KCNJ6: variants seen among roughly 807,000 people sequenced by gnomAD.
KCNJ6 encodes G protein-activated inward rectifier potassium channel 2.
KCNJ6 carries 9 observed loss-of-function variants against 34.2 expected under a neutral mutation model. The observed-to-expected ratio is 0.26, with a 90% CI of 0.16 to 0.46. The LOEUF (loss-of-function observed/expected upper bound fraction) is 0.46, where lower values mean the gene tolerates loss of function less well. Among genes scored for constraint, KCNJ6 ranks in the 20% least tolerant of loss-of-function variants. The pLI is 1.00. For missense variants in KCNJ6, 236 were observed against 531.3 expected, an observed-to-expected ratio of 0.44 and a Z score of 5.46; for synonymous variants, 196 against 207.1, an observed-to-expected ratio of 0.95 and a Z score of 0.46.
chr21:37,781,159 C>A (rs984261683), intron 2 of KCNJ6, among the ~76,000 whole-genome samples: 1 of 152,216 alleles, frequency 6.6e-6, no homozygotes, highest in Non-Finnish European at 1.5e-5. Context: ...CATCCGGCAT[C>A]AGTCAAAAGG....
intron 2 of KCNJ6, among the ~76,000 whole-genome samples, chr21:37,782,554 C>T (rs1323044173): frequency 6.6e-6 from 1 of 152,174 alleles, no homozygotes; most frequent in Non-Finnish European, 1.5e-5. Context: ...TGTGGCTTTC[C>T]TCCTTCATGG....
intron 2 of KCNJ6, among the ~76,000 whole-genome samples, chr21:37,826,804 C>T (rs929670475): frequency 6.6e-6 from 1 of 152,018 alleles, no homozygotes; most frequent in African/African-American, 2.4e-5. Context: ...GGGTCTGAAA[C>T]CTTTCCTCTT....
At chr21:37,723,605 C>A (rs575584406) in intron 2 of KCNJ6, among the ~76,000 whole-genome samples, 1 of 152,314 alleles carries the variant, frequency 6.6e-6, no homozygotes, top group East Asian at 1.9e-4. Context: ...AGAATGAAAT[C>A]ACATCCTTTG....
intron 2 of KCNJ6, among the ~76,000 whole-genome samples, chr21:37,826,217 AAT>A (rs2055398440): frequency 6.6e-6 from 1 of 152,206 alleles, no homozygotes; most frequent in African/African-American, 2.4e-5. Flanking sequence ...GAAATGTGCG[AAT>A]AGTTACTTTT....
chr21:37,876,122 A>G (rs1296175896), intron 1 of KCNJ6, among the ~76,000 whole-genome samples: 1 of 152,230 alleles, frequency 6.6e-6, no homozygotes, highest in Non-Finnish European at 1.5e-5. Flanking sequence ...CATTAAATCA[A>G]GCATGGGGCC....
Position 37,615,244 on chromosome 21 carries a change from C to CTTTTTTTTTTTT in KCNJ6, c.*9903_*9914dup, listed in dbSNP as rs1156939747. 2 of 98,890 alleles carry CTTTTTTTTTTTT rather than the reference C, an allele frequency of 2.0e-5. 1 individual carries two copies. The highest frequency in any genetic ancestry group is 7.9e-5 in the African/African-American group (2 of 25,164). 6.1% of individuals were successfully genotyped at this position (98,890 alleles called of 1,614,324 possible). The stretch of plus-strand genomic sequence containing the variant: ...ACCCTCGACTGACATTCCCAGCATT[C>CTTTTTTTTTTTT]TTTTTTTTTTTTTTTTTTTTTTTTT... On this transcript the variant is annotated 3_prime_UTR_variant, in exon 4 of 4. Coordinates refer to ENST00000609713, the MANE Select transcript of KCNJ6 (RefSeq NM_002240.5).
chr21:37,885,627 C>A (rs2055731687), intron 1 of KCNJ6, among the ~76,000 whole-genome samples: 1 of 152,148 alleles, frequency 6.6e-6, no homozygotes, highest in African/African-American at 2.4e-5. Flanking sequence ...GACAGCAGTC[C>A]CAGGAGGGGA....
In KCNJ6 at chr21:37,612,920, G is replaced by T. The variant is rs965179014; in HGVS notation, c.*12239C>A. ...GATAGAACACCAAAGACATGATCATGAAAGAAGTAAATGATAAGCTGAACT... is the reference window on the plus strand; with the variant it reads ...GATAGAACACCAAAGACATGATCATTAAAGAAGTAAATGATAAGCTGAACT... On this transcript the variant is annotated 3_prime_UTR_variant, in exon 4 of 4. Transcript: ENST00000609713. The T allele has an allele frequency of 6.6e-6, 1 of 152,094 alleles. No individual in the cohort carries two copies. The allele number at this position is 152,094 out of a possible 1,614,324, so 9.4% of individuals were successfully genotyped here.
chr21:37,769,184 A>T (rs2055105736), intron 2 of KCNJ6, among the ~76,000 whole-genome samples: 1 of 152,152 alleles, frequency 6.6e-6, no homozygotes, highest in African/African-American at 2.4e-5. Flanking sequence ...GTGGGCAGGC[A>T]ATTTCCCCTA....
chr21:37,853,069 A>G (rs576102451), intron 1 of KCNJ6, among the ~76,000 whole-genome samples: 2 of 152,010 alleles, frequency 1.3e-5, no homozygotes, highest in South Asian at 4.2e-4. Context: ...ATGACACAGA[A>G]TATCAGGAGG....
intron 1 of KCNJ6, among the ~76,000 whole-genome samples, chr21:37,885,420 C>T (rs1164771127): frequency 6.6e-6 from 1 of 152,180 alleles, no homozygotes; most frequent in Admixed American, 6.5e-5. Context: ...CAATCAAATG[C>T]TAAACAGAGA....
chr21:37,610,598 TAAAAAAAAAAA>T lies in KCNJ6; in HGVS notation c.*14550_*14560del, dbSNP rs71328602. 1 of 77,474 alleles carries T rather than the reference TAAAAAAAAAAA, an allele frequency of 1.3e-5. No individual in the cohort carries two copies. The highest frequency in any genetic ancestry group is 2.2e-5 in the Non-Finnish European group (1 of 45,232). The allele number at this position is 77,474 out of a possible 1,614,324, so 4.8% of individuals were successfully genotyped here. ...TGGGCAACAGAGTGAGACTCTGTCT[TAAAAAAAAAAA>T]AAAAAAAAAAAGGAATACAAGTCCT... On this transcript the variant is annotated 3_prime_UTR_variant, in exon 4 of 4. Transcript: ENST00000609713.
At chr21:37,710,767 C>T (rs2054747579) in intron 3 of KCNJ6, among the ~76,000 whole-genome samples, 1 of 152,202 alleles carries the variant, frequency 6.6e-6, no homozygotes, top group African/African-American at 2.4e-5. Flanking sequence ...AGCTGCTGAG[C>T]ACGTTTGTTT....
At chr21:37,846,353 C>CTGTGTGTGTGTGTG (rs55697215) in intron 1 of KCNJ6, among the ~76,000 whole-genome samples, 13 of 145,056 alleles carry the variant, frequency 9.0e-5, no homozygotes, top group African/African-American at 2.1e-4. Context: ...CTGAGACACT[C>CTGTGTGTGTGTGTG]TGTGTGTGTG....
At chr21:37,668,961 C>T (rs1338409274) in intron 3 of KCNJ6, among the ~76,000 whole-genome samples, 1 of 152,002 alleles carries the variant, frequency 6.6e-6, no homozygotes, top group African/African-American at 2.4e-5. Flanking sequence ...TAGGTATTTC[C>T]CCTTCCAGGC....
At chr21:37,878,442 C>T (rs2055690013) in intron 1 of KCNJ6, among the ~76,000 whole-genome samples, 1 of 152,240 alleles carries the variant, frequency 6.6e-6, no homozygotes, top group African/African-American at 2.4e-5. Context: ...AGTAGTGAAA[C>T]CAGCTCAGCA....
At chr21:37,719,805 C>G (rs1398839998) in intron 2 of KCNJ6, among the ~76,000 whole-genome samples, 3 of 152,168 alleles carry the variant, frequency 2.0e-5, no homozygotes, top group African/African-American at 7.2e-5. Flanking sequence ...CTGGGCGGAG[C>G]CTTGTCCTCG....
chr21:37,851,087 T>A (rs1033482005), intron 1 of KCNJ6, among the ~76,000 whole-genome samples: 1 of 152,158 alleles, frequency 6.6e-6, no homozygotes, highest in African/African-American at 2.4e-5. Context: ...TAATACTGTA[T>A]AACCCATGTG....
At position 37,706,926 on chromosome 21, in the gene KCNJ6, A is replaced by G. The variant is rs530037841; in HGVS notation, c.946+7285T>C. On this transcript the variant is annotated intron_variant, in intron 3 of 3. Coordinates refer to ENST00000609713, the MANE Select transcript of KCNJ6 (RefSeq NM_002240.5). Reference sequence around the variant, plus strand: ...GAAATCATATTGTTTTCAAATGTAAACGATTAGTCTTGTTCTCACTGAGCA... The same window carrying G: ...GAAATCATATTGTTTTCAAATGTAAGCGATTAGTCTTGTTCTCACTGAGCA... 2.6e-5 allele frequency among the ~76,000 whole-genome samples: 4 copies of G among 152,356 alleles called. No individual in the cohort carries two copies. The East Asian group carries it at 7.7e-4, about 29-fold the overall frequency.
Sources: gnomAD v4.1 joint callset for allele counts (sites outside exome capture counted in the v4.1 genomes callset) on GRCh38, gnomAD v4.1.1 for gene constraint, MANE v1.5 for transcripts, NCBI Gene and HGNC (gene_info 2026-07-23, HGNC 2026-07-21) for gene names.